GSDMD: variants seen among roughly 807,000 people sequenced by gnomAD.
GSDMD encodes the protein gasdermin-D.
A neutral mutation model predicts 46.7 loss-of-function variants in GSDMD; 46 were observed. The ratio of observed to expected loss-of-function variants is 0.99; its 90% CI spans 0.78 to 1.26. The LOEUF (loss-of-function observed/expected upper bound fraction) is 1.26, where lower values mean the gene tolerates loss of function less well. Among genes scored for constraint, GSDMD ranks in the 50% most tolerant of loss-of-function variants. The pLI, the probability that GSDMD is intolerant of heterozygous loss-of-function variation, is 0.00. For missense variants in GSDMD, 649 were observed against 638.8 expected (o/e 1.02, Z -0.17); for synonymous variants, 307 against 283.1 (o/e 1.08, Z -0.85).
intron 4 of GSDMD, 90 bp from the exon 5 acceptor site, chr8:143,560,912 G>C: frequency 6.9e-7 from 1 of 1,451,768 alleles, no homozygotes. Context: ...GAAGTCACCT[G>C]GCGGCGGGCC....
At chr8:143,562,387 G>C in intron 9 of GSDMD, 37 bp downstream of exon 9, 2 of 905,014 alleles carry the variant, frequency 2.2e-6, no homozygotes. Context: ...GGGTGGGAGG[G>C]AGGGAGGTGG....
intron 1 of GSDMD, 52 bp from the exon 2 acceptor site, chr8:143,559,280 T>TTCCCCCC: frequency 2.8e-5 from 16 of 579,428 alleles, no homozygotes; most frequent in East Asian, 6.3e-5. Flanking sequence ...CTTCTCCCAC[T>TTCCCCCC]CCCTCCCGCC....
At position 143,559,472 on chromosome 8, in the gene GSDMD, G is replaced by A. The variant is rs755887112; in HGVS notation, c.137G>A (p.Ser46Asn). 1 of 1,612,928 alleles carries A rather than the reference G, an allele frequency of 6.2e-7. No homozygotes were observed. Among genetic ancestry groups the A allele is most frequent in the Non-Finnish European group, 8.5e-7 (1 of 1,180,000 alleles). ...PYCLVVRKPSSSWFWKPRYKC... is the reference protein window; with the variant it reads ...PYCLVVRKPSNSWFWKPRYKC... ...TGCCTGGTGGTTAGGAAGCCCTCAA[G>A]CTCATGGTTCTGGAAACCCCGTTAT... Residue 46 changes from serine to asparagine, a missense_variant, in exon 2 of 11, where the codon AGC becomes AAC. By Grantham distance (46) the Ser-to-Asn change is conservative. Coordinates refer to ENST00000262580, the MANE Select transcript of GSDMD (RefSeq NM_024736.7).
At position 143,562,281 on chromosome 8, in the gene GSDMD, GTGT is replaced by G; in HGVS notation, c.1073_1075del (p.Leu358del). 1 of 1,556,926 alleles carries G rather than the reference GTGT, an allele frequency of 6.4e-7. No homozygotes were observed. The highest frequency in any genetic ancestry group is 8.7e-7 in the Non-Finnish European group (1 of 1,151,530). On this transcript the variant is annotated inframe_deletion, in exon 9 of 11. Transcript: ENST00000262580. ...AGCAGGTGCTGTCCTGGAGTGCCTG[GTGT>G]TGTCCTCCGGAATGCTGGTGCCGGA...
upstream of GSDMD, chr8:143,558,327 G>A (rs1823358048): frequency 7.2e-6 from 11 of 1,522,694 alleles, no homozygotes; most frequent in South Asian, 1.3e-4. Flanking sequence ...GGCGTCCTGG[G>A]CGGGCCCTGC....
In GSDMD at chr8:143,562,315, C is replaced by G. The variant is rs879845110; in HGVS notation, c.1103C>G (p.Ala368Gly). The change falls in exon 9 of 11, where the codon GCT (alanine) becomes GGT (glycine). Residue 368 changes from alanine to glycine, a missense_variant. Transcript: ENST00000262580. ...LSSGMLVPEL[A>G]IPVVYLLGAL... ...TCCGGAATGCTGGTGCCGGAACTCGCTATCCCTGTTGTCTACCTGCTGGGG... is the reference window on the plus strand; with the variant it reads ...TCCGGAATGCTGGTGCCGGAACTCGGTATCCCTGTTGTCTACCTGCTGGGG... 77 of 1,502,040 alleles carry G rather than the reference C, an allele frequency of 5.1e-5. No homozygotes were observed. Among genetic ancestry groups the G allele is most frequent in the Non-Finnish European group, 6.0e-5 (67 of 1,117,410 alleles). 93.0% of individuals were successfully genotyped at this position (1,502,040 alleles called of 1,614,324 possible).
At chr8:143,560,519 C>G (rs1014872119) in intron 3 of GSDMD, 84 bp from the exon 4 acceptor site, 3 of 1,423,576 alleles carry the variant, frequency 2.1e-6, no homozygotes, top group Admixed American at 2.3e-5. Context: ...TGCACCACCT[C>G]CCCCGGTGGC....
intron 4 of GSDMD, 111 bp downstream of exon 4, chr8:143,560,882 C>A: frequency 7.0e-7 from 1 of 1,428,736 alleles, no homozygotes; most frequent in South Asian, 1.3e-5. Context: ...GCTCCCAGCC[C>A]TGCGCTTGGC....
chr8:143,554,921 T>C (rs555966167), upstream of GSDMD: 3 of 152,352 alleles, frequency 2.0e-5, no homozygotes, highest in East Asian at 5.8e-4. Context: ...CCAGGCCGAG[T>C]TGGGTACCCC....
chr8:143,557,489 G>C (rs980756864), upstream of GSDMD, among the ~76,000 whole-genome samples: 5 of 150,154 alleles, frequency 3.3e-5, no homozygotes, highest in African/African-American at 1.3e-4. Flanking sequence ...TGTGACGACG[G>C]ATGCTGCCAC....
At chr8:143,559,698 C>T in intron 2 of GSDMD, 79 bp from the exon 3 acceptor site, 1 of 1,485,192 alleles carries the variant, frequency 6.7e-7, no homozygotes, top group Non-Finnish European at 9.1e-7. Flanking sequence ...GTCCCTCTGC[C>T]CTGGGGCTGG....
upstream of GSDMD, chr8:143,557,941 C>G (rs1162972356): frequency 4.5e-6 from 2 of 445,936 alleles, no homozygotes; most frequent in Non-Finnish European, 8.9e-6. Flanking sequence ...GTCGCCCAGG[C>G]TGGAGTACAA....
At chr8:143,559,018 T>A in intron 1 of GSDMD, 1 of 436,446 alleles carries the variant, frequency 2.3e-6, no homozygotes. Flanking sequence ...ACAGCTTGTT[T>A]CCTCCCAGCC....
chr8:143,559,986 C>T lies in GSDMD; in HGVS notation c.410+17C>T, dbSNP rs1385826021. ...CCATGAGAGGTGGGCCCGAAGAGGG[C>T]AGGGCAGGGCAGGGCCCCACCTACC... On this transcript the variant is annotated intron_variant, in intron 3 of 10. Transcript: ENST00000262580. 2 of 1,571,064 alleles carry T rather than the reference C, an allele frequency of 1.3e-6. No individual in the cohort carries two copies. The highest frequency in any genetic ancestry group is 1.7e-6 in the Non-Finnish European group (2 of 1,168,606).
rs1486150208 is a variant in GSDMD at position 143,561,201 on chromosome 8, C to T, written c.682+97C>T. 24 of 1,310,612 alleles carry T rather than the reference C, an allele frequency of 1.8e-5. No homozygotes were observed. In the East Asian group the frequency reaches 5.4e-4, roughly 30 times the overall value. The allele number at this position is 1,310,612 out of a possible 1,614,324, so 81.2% of individuals were successfully genotyped here. A position where few individuals can be genotyped will look rare whatever the true frequency, so the allele number is the denominator to read the frequency against. On this transcript the variant is annotated intron_variant, in intron 5 of 10. Transcript: ENST00000262580. ...CGCCAGCTTGGGCTGCCGTGGGCCC[C>T]TGGCTGAACAACGTCCTGTGTCTGG...
chr8:143,557,938 A>G, upstream of GSDMD: 1 of 446,314 alleles, frequency 2.2e-6, no homozygotes, highest in South Asian at 1.6e-5. Context: ...TCTGTCGCCC[A>G]GGCTGGAGTA....
upstream of GSDMD, chr8:143,558,230 ACG>A: frequency 8.0e-7 from 1 of 1,254,760 alleles, no homozygotes; most frequent in Non-Finnish European, 1.1e-6. Context: ...GTTCCTCCGG[ACG>A]CGCGAGGCTG....
At chr8:143,558,687 C>T (rs975365710) in intron 1 of GSDMD, 8 of 571,248 alleles carry the variant, frequency 1.4e-5, no homozygotes, top group Admixed American at 3.2e-5. Context: ...TCCAGGTTCC[C>T]GGGCCGGTGC....
upstream of GSDMD, chr8:143,555,236 G>C (rs1823279583): frequency 6.6e-6 from 1 of 152,328 alleles, no homozygotes; most frequent in African/African-American, 2.4e-5. Context: ...GTGAGTGTGA[G>C]AGCCTTCAGG....
Sources: allele counts gnomAD v4.1 joint callset (sites outside exome capture counted in the v4.1 genomes callset), GRCh38; gene constraint gnomAD v4.1.1; transcripts MANE v1.5; gene names NCBI Gene and HGNC (gene_info 2026-07-23, HGNC 2026-07-21).